The following CLCN2 variants were observed in gnomAD, a reference collection of about 807,000 sequenced individuals.
CLCN2 encodes chloride channel protein 2.
In CLCN2, 72 loss-of-function variants were observed where a neutral mutation model predicts 108.3. The ratio of observed to expected loss-of-function variants is 0.66; its 90% confidence interval spans 0.55 to 0.81. CLCN2 has a LOEUF of 0.81. Among genes scored for constraint, CLCN2 ranks in the 30% least tolerant of loss-of-function variants. The probability of loss-of-function intolerance (pLI) is 0.00; values close to 1 mark genes in which losing one functional copy is unlikely to be tolerated. For synonymous variants in CLCN2, 471 were observed against 467.1 expected, an observed-to-expected ratio of 1.01 and a Z score of -0.11; for missense variants, 1,048 against 1,205.2, an observed-to-expected ratio of 0.87 and a Z score of 1.93.
chr3:184,346,811 G>C lies in CLCN2; in HGVS notation c.2503-11C>G. The C allele has an allele frequency of 1.2e-6, 2 of 1,614,034 alleles. No individual in the cohort carries two copies. Among genetic ancestry groups the C allele is most frequent in the Non-Finnish European group, 1.7e-6 (2 of 1,179,982 alleles). On this transcript the variant is annotated splice_polypyrimidine_tract_variant and intron_variant, in intron 23 of 23. Coordinates refer to ENST00000265593, the MANE Select transcript of CLCN2 (RefSeq NM_004366.6). The surrounding 1 kb of genome is among the most constrained non-coding windows in gnomAD (Gnocchi z 6.0). The stretch of plus-strand genomic sequence containing the variant: ...GATGGCCTTCCGGAGCTGGAAAGGT[G>C]AGAGGGACAGATGTCTGGACCCAGA...
At chr3:184,357,903 C>T in intron 5 of CLCN2, 47 bp from the exon 6 acceptor site, 8 of 1,613,584 alleles carry the variant, frequency 5.0e-6, no homozygotes, top group Non-Finnish European at 3.4e-6. Context: ...CCGCCCTGAC[C>T]TTGGCCTGGC....
In CLCN2 at chr3:184,355,913, G is replaced by GT. The variant is rs914465894; in HGVS notation, c.1086-136dup. ...GTCCTGACAGAAGGTCTCCTTTGCTGTTTATGATACGATAGCCCCAAGGCT... is the reference window on the plus strand; with the variant it reads ...GTCCTGACAGAAGGTCTCCTTTGCTGTTTTATGATACGATAGCCCCAAGGCT... On this transcript the variant is annotated intron_variant, in intron 10 of 23. Transcript: ENST00000265593. The surrounding 1 kb of genome is among the most constrained non-coding windows in gnomAD (Gnocchi z 6.3). 1.6e-5 allele frequency: 12 copies of GT among 755,890 alleles called. No homozygotes were observed. The African/African-American group carries it at 2.1e-4, about 13-fold the overall frequency. 46.8% of individuals were successfully genotyped at this position (755,890 alleles called of 1,614,324 possible). A position where few individuals can be genotyped will look rare whatever the true frequency, so the allele number is the denominator to read the frequency against.
chr3:184,360,912 G>A (rs1711986974), intron 1 of CLCN2, among the ~76,000 whole-genome samples: 1 of 152,208 alleles, frequency 6.6e-6, no homozygotes, highest in South Asian at 2.1e-4. Context: ...GTCAACTGAG[G>A]GGCTCCTGGA....
In CLCN2 at chr3:184,357,405, A is replaced by T. The variant is rs1728644031; in HGVS notation, c.855T>A (p.Ser285Arg). ...YWRGFFAATF[S>R]AFIFRVLAVW... ...CTGCCAAGACCCGGAAGATGAAGGC[A>T]CTGAAGGTGGCAGCGAAGAAGCCCC... The change falls in exon 8 of 24, where the codon AGT becomes AGA. Residue 285 changes from serine (S) to arginine (R), a missense_variant. Physicochemically the swap from Ser to Arg is moderately radical, Grantham distance 110. Coordinates refer to ENST00000265593, the MANE Select transcript of CLCN2 (RefSeq NM_004366.6). The T allele has an allele frequency of 6.2e-7, 1 of 1,614,108 alleles. No individual in the cohort carries two copies. The highest frequency in any genetic ancestry group is 1.7e-5 in the Admixed American group (1 of 60,036).
chr3:184,357,448 G>A lies in CLCN2; in HGVS notation c.812C>T (p.Ala271Val). ...FSIEVTSTFF[A>V]VRNYWRGFFA... is the part of the protein sequence containing the mutation. ...GAAGCCCCGCCAGTAGTTCCGCACT[G>A]CAAAGAAGGTGGAGGTGACCTCGAT... Residue 271 changes from alanine to valine, a missense_variant, in exon 8 of 24, where the codon GCA (alanine) becomes GTA (valine). Coordinates refer to ENST00000265593, the MANE Select transcript of CLCN2 (RefSeq NM_004366.6). 6.2e-7 allele frequency: 1 copy of A among 1,614,218 alleles called. No homozygotes were observed. Among genetic ancestry groups the A allele is most frequent in the Non-Finnish European group, 8.5e-7 (1 of 1,180,048 alleles).
chr3:184,355,299 G>A lies in CLCN2; in HGVS notation c.1326+75C>T, dbSNP rs1303467095. 25 of 1,496,482 alleles carry A rather than the reference G, an allele frequency of 1.7e-5. No individual in the cohort carries two copies. The highest frequency in any genetic ancestry group is 2.2e-5 in the Non-Finnish European group (24 of 1,074,462). 92.7% of individuals were successfully genotyped at this position (1,496,482 alleles called of 1,614,324 possible). On this transcript the variant is annotated intron_variant, in intron 12 of 23. Coordinates refer to ENST00000265593, the MANE Select transcript of CLCN2 (RefSeq NM_004366.6). The surrounding 1 kb of genome is among the most constrained non-coding windows in gnomAD (Gnocchi z 6.3). Reference sequence around the variant, plus strand: ...CATGGCACTGTGGAGAGGCTTCGAGGAGTGAGCACTGCGTGGCAGGTGCTT... The same window carrying A: ...CATGGCACTGTGGAGAGGCTTCGAGAAGTGAGCACTGCGTGGCAGGTGCTT...
At chr3:184,354,424 G>T in intron 14 of CLCN2, 110 bp from the exon 15 acceptor site, 1 of 1,301,242 alleles carries the variant, frequency 7.7e-7, no homozygotes, top group Non-Finnish European at 1.1e-6. Flanking sequence ...ACAGTCCTGG[G>T]ATTGGACCTG....
Position 184,352,780 on chromosome 3 carries a change from CG to C in CLCN2, c.2173del (p.Arg725GlyfsTer25). On this transcript the variant is annotated frameshift_variant, in exon 19 of 24. Coordinates refer to ENST00000265593, the MANE Select transcript of CLCN2 (RefSeq NM_004366.6). LOFTEE classifies it high-confidence loss of function. ...GGGTGGACTGCCACAGAAGAGGCTC[CG>C]GAGGGCGATGCCTGCCGACTCTGCG... ...GSAESAGIAL[R>X]SLFCGSPPPE... 6.2e-7 allele frequency: 1 copy of C among 1,613,188 alleles called. No individual in the cohort carries two copies. The highest frequency in any genetic ancestry group is 8.5e-7 in the Non-Finnish European group (1 of 1,180,006).
At position 184,354,211 on chromosome 3, in the gene CLCN2, G is replaced by A. The variant is rs746824041; in HGVS notation, c.1611C>T (p.Ala537=). The change falls in exon 15 of 24, where the codon GCC becomes GCT. Residue 537 remains alanine (A), a synonymous_variant. Transcript: ENST00000265593. ...QIAHILPVMI[A]VILANAVAQS... is the part of the protein sequence containing the mutation. ...GGGCGACAGCGTTGGCCAGGATGACGGCGATCATGACAGGCAGGATGTGGG... is the reference window on the plus strand; with the variant it reads ...GGGCGACAGCGTTGGCCAGGATGACAGCGATCATGACAGGCAGGATGTGGG... 19 of 1,613,310 alleles carry A rather than the reference G, an allele frequency of 1.2e-5. No individual in the cohort carries two copies. The highest frequency in any genetic ancestry group is 5.5e-5 in the South Asian group (5 of 91,060).
chr3:184,357,558 G>A (rs1035018542), intron 7 of CLCN2, 62 bp downstream of exon 7: 2 of 1,613,966 alleles, frequency 1.2e-6, no homozygotes, highest in South Asian at 1.1e-5. Flanking sequence ...GATAAGAGGG[G>A]CCAAGGAGGA....
At chr3:184,347,754 G>A (rs996648903) in intron 22 of CLCN2, 8 of 154,108 alleles carry the variant, frequency 5.2e-5, no homozygotes, top group South Asian at 2.0e-4. Context: ...AGCATCCCAA[G>A]TTCTGTTGAG....
chr3:184,356,695 T>C, intron 10 of CLCN2: 1 of 423,262 alleles, frequency 2.4e-6, no homozygotes, highest in Admixed American at 3.7e-5. Flanking sequence ...GGGGGGAACC[T>C]GAGGCTCAAA....
intron 1 of CLCN2, among the ~76,000 whole-genome samples, chr3:184,360,919 T>C (rs1711989313): frequency 6.6e-6 from 1 of 152,218 alleles, no homozygotes; most frequent in South Asian, 2.1e-4. Context: ...GAGGGGCTCC[T>C]GGAGCCAACG....
chr3:184,356,594 G>A (rs767378217), intron 10 of CLCN2: 53 of 190,744 alleles, frequency 2.8e-4, no homozygotes, highest in Non-Finnish European at 3.8e-4. Flanking sequence ...AGCCGAGATC[G>A]CACCATTGCA....
Position 184,357,243 on chromosome 3 carries a change from T to C in CLCN2, c.922A>G (p.Thr308Ala). 1 of 1,613,390 alleles carries C rather than the reference T, an allele frequency of 6.2e-7. No homozygotes were observed. The highest frequency in any genetic ancestry group is 8.5e-7 in the Non-Finnish European group (1 of 1,179,900). ...DEETITALFK[T>A]RFRLDFPFDL... ...AAGGGGAAGTCGAGCCGGAATCGGG[T>C]TTTGAAGAGGGCTGTAATAGTCTCT... Residue 308 changes from threonine to alanine, a missense_variant, in exon 9 of 24, where the codon ACC becomes GCC. By Grantham distance (58) the Thr-to-Ala change is moderately conservative. Transcript: ENST00000265593.
chr3:184,357,436 T>C lies in CLCN2; in HGVS notation c.824A>G (p.Tyr275Cys), dbSNP rs574392560. The C allele has an allele frequency of 6.2e-7, 1 of 1,614,100 alleles. No individual in the cohort carries two copies. Among genetic ancestry groups the C allele is most frequent in the African/African-American group, 1.3e-5 (1 of 75,010 alleles). ...GGTGGCAGCGAAGAAGCCCCGCCAG[T>C]AGTTCCGCACTGCAAAGAAGGTGGA... ...VTSTFFAVRN[Y>C]WRGFFAATFS... The change falls in exon 8 of 24, where the codon TAC (tyrosine) becomes TGC (cysteine). Residue 275 changes from tyrosine (Y) to cysteine (C), a missense_variant. Coordinates refer to ENST00000265593, the MANE Select transcript of CLCN2 (RefSeq NM_004366.6).
rs1179316785 is a variant in CLCN2 at position 184,346,542 on chromosome 3, T to C, written c.*64A>G. On this transcript the variant is annotated 3_prime_UTR_variant, in exon 24 of 24. Transcript: ENST00000265593. The surrounding 1 kb of genome is among the most constrained non-coding windows in gnomAD (Gnocchi z 6.0). ...TCCTGCCTTCCGAAGGCAGAAGGAA[T>C]GAAAGATGCACATTCTGGGCTGACG... 3 of 1,584,500 alleles carry C rather than the reference T, an allele frequency of 1.9e-6. No individual in the cohort carries two copies. The highest frequency in any genetic ancestry group is 1.7e-5 in the Admixed American group (1 of 59,920).
At chr3:184,347,187 TAATG>T (rs1176247213) in intron 22 of CLCN2, 166 bp from the exon 23 acceptor site, 1 of 691,802 alleles carries the variant, frequency 1.4e-6, no homozygotes, top group East Asian at 2.7e-5. Flanking sequence ...ATCGTAATAA[TAATG>T]AGAATGTTTC....
At position 184,355,724 on chromosome 3, in the gene CLCN2, G is replaced by A. The variant is rs575981779; in HGVS notation, c.1140C>T (p.Pro380=). ...CAGCCATGAACTGTCCAAAGCCAGG[G>A]GGGAAGGTCAGCGTGGAGATGAGCA... The part of the protein sequence containing the change: ...VTLLISTLTF[P]PGFGQFMAGQ... Residue 380 remains proline, a synonymous_variant, in exon 11 of 24, where the codon CCC becomes CCT. Coordinates refer to ENST00000265593, the MANE Select transcript of CLCN2 (RefSeq NM_004366.6). The surrounding 1 kb of genome is among the most constrained non-coding windows in gnomAD (Gnocchi z 6.3). 1.2e-6 allele frequency: 2 copies of A among 1,614,212 alleles called. No individual in the cohort carries two copies. The highest frequency in any genetic ancestry group is 8.5e-7 in the Non-Finnish European group (1 of 1,180,046).
Sources: allele counts gnomAD v4.1 joint callset (sites outside exome capture counted in the v4.1 genomes callset), GRCh38; gene constraint gnomAD v4.1.1; non-coding constraint Gnocchi (gnomAD v3.1); transcripts MANE v1.5; gene names NCBI Gene and HGNC (gene_info 2026-07-23, HGNC 2026-07-21).